Variants in PLXNA4 observed in about 807,000 individuals in gnomAD.
PLXNA4 encodes the protein plexin-A4.
In PLXNA4, 44 loss-of-function variants were observed where a neutral mutation model predicts 191.8. The ratio of observed to expected loss-of-function variants is 0.23; its 90% confidence interval spans 0.18 to 0.29. PLXNA4 has a LOEUF of 0.29. PLXNA4 is among the 10% of genes least tolerant of loss of function. The pLI is 1.00. For synonymous variants in PLXNA4, 1,082 were observed against 1,009.5 expected, an observed-to-expected ratio of 1.07 and a Z score of -1.36; for missense variants, 1,800 against 2,488.8, an observed-to-expected ratio of 0.72 and a Z score of 5.89.
At chr7:132,170,482 C>T (rs1407129010) in intron 21 of PLXNA4, among the ~76,000 whole-genome samples, 1 of 152,240 alleles carries the variant, frequency 6.6e-6, no homozygotes, top group Admixed American at 6.5e-5. Flanking sequence ...TCCTGCTCTA[C>T]TCTTGAGGTT....
chr7:132,493,183 C>T (rs1797873677), intron 2 of PLXNA4, among the ~76,000 whole-genome samples: 1 of 152,144 alleles, frequency 6.6e-6, no homozygotes, highest in Admixed American at 6.5e-5. Context: ...AGAATGTTTG[C>T]TCCAGCCCTG....
chr7:132,561,318 C>CTCCTCCTCT (rs1328935175), intron 1 of PLXNA4, among the ~76,000 whole-genome samples: 1 of 150,294 alleles, frequency 6.7e-6, no homozygotes, highest in Non-Finnish European at 1.5e-5. Flanking sequence ...TCTCCTTCTT[C>CTCCTCCTCT]TCCTCCTCTT....
At chr7:132,189,460 G>C (rs1797020408) in intron 14 of PLXNA4, among the ~76,000 whole-genome samples, 1 of 152,168 alleles carries the variant, frequency 6.6e-6, no homozygotes, top group Non-Finnish European at 1.5e-5. Context: ...TGACAGCCCA[G>C]GGTGTTAATC....
At chr7:132,344,592 C>T (rs1222705513) in intron 3 of PLXNA4, among the ~76,000 whole-genome samples, 1 of 152,172 alleles carries the variant, frequency 6.6e-6, no homozygotes, top group East Asian at 1.9e-4. Flanking sequence ...TCTGGCAGTC[C>T]TCCTTTAAAC....
intron 4 of PLXNA4, among the ~76,000 whole-genome samples, chr7:132,261,684 G>C (rs553198479): frequency 1.3e-5 from 2 of 152,208 alleles, no homozygotes; most frequent in African/African-American, 2.4e-5. Flanking sequence ...TTCAGGACCC[G>C]GGCAGCTGCC....
intron 20 of PLXNA4, among the ~76,000 whole-genome samples, chr7:132,176,503 TGA>T (rs1398301305): frequency 6.6e-6 from 1 of 152,228 alleles, no homozygotes; most frequent in Non-Finnish European, 1.5e-5. Context: ...GGCACTTGTC[TGA>T]GTGTGTATGT....
At chr7:132,565,568 GA>G (rs1801683388) in intron 1 of PLXNA4, among the ~76,000 whole-genome samples, 1 of 152,104 alleles carries the variant, frequency 6.6e-6, no homozygotes, top group African/African-American at 2.4e-5. Flanking sequence ...CCTCCAGAAA[GA>G]AGAATCAAAT....
intron 4 of PLXNA4, among the ~76,000 whole-genome samples, chr7:132,273,107 T>C (rs571322358): frequency 6.6e-5 from 10 of 152,248 alleles, no homozygotes; most frequent in African/African-American, 2.2e-4. Flanking sequence ...TTTGCCTGTA[T>C]GGAGCAATCA....
chr7:132,236,591 T>A (rs1482543401), intron 5 of PLXNA4, among the ~76,000 whole-genome samples: 1 of 152,132 alleles, frequency 6.6e-6, no homozygotes, highest in Non-Finnish European at 1.5e-5. Context: ...CAAGGCCTGG[T>A]TCCCCAAAAT....
At chr7:132,376,757 C>T (rs182599699) in intron 3 of PLXNA4, among the ~76,000 whole-genome samples, 5 of 152,254 alleles carry the variant, frequency 3.3e-5, no homozygotes, top group Admixed American at 6.5e-5. Context: ...GGATTTGGAA[C>T]CAGAAGAAAT....
intron 4 of PLXNA4, among the ~76,000 whole-genome samples, chr7:132,286,364 G>A (rs1166753911): frequency 1.3e-5 from 2 of 152,202 alleles, no homozygotes; most frequent in African/African-American, 4.8e-5. Flanking sequence ...CTAAGTGGAT[G>A]ATTATAGGTG....
At chr7:132,149,572 C>A (rs1795534490) in intron 25 of PLXNA4, among the ~76,000 whole-genome samples, 1 of 152,190 alleles carries the variant, frequency 6.6e-6, no homozygotes, top group African/African-American at 2.4e-5. Context: ...GGACATATAC[C>A]AGAAAGGAAA....
intron 3 of PLXNA4, among the ~76,000 whole-genome samples, chr7:132,361,097 G>A (rs1421721872): frequency 6.6e-6 from 1 of 152,208 alleles, no homozygotes; most frequent in Non-Finnish European, 1.5e-5. Context: ...GGACTCAGCT[G>A]TAATGAGCGC....
chr7:132,155,621 G>A (rs1038590660), intron 25 of PLXNA4, among the ~76,000 whole-genome samples: 2 of 152,146 alleles, frequency 1.3e-5, no homozygotes, highest in Non-Finnish European at 2.9e-5. Context: ...ACAGCCTCAC[G>A]TGTAGCAGGG....
chr7:132,301,527 G>A lies in PLXNA4; in HGVS notation c.1372-3305C>T, dbSNP rs532753887. ...ACTTGGTTAAGGTCACACATCTGGC[G>A]GATGGCACAGGCTGCACCCTTACCA... On this transcript the variant is annotated intron_variant, in intron 3 of 31. Coordinates refer to ENST00000321063, the MANE Select transcript of PLXNA4 (RefSeq NM_020911.2). Among the ~76,000 whole-genome samples, 132 of 152,310 alleles carry A rather than the reference G, an allele frequency of 8.7e-4. 1 individual carries two copies. The highest frequency in any genetic ancestry group is 2.9e-3 in the African/African-American group (119 of 41,566).
intron 9 of PLXNA4, among the ~76,000 whole-genome samples, chr7:132,217,661 C>G (rs1273219578): frequency 6.6e-6 from 1 of 152,118 alleles, no homozygotes; most frequent in East Asian, 1.9e-4. Context: ...TGTAACGCAT[C>G]ATATATTTTC....
At chr7:132,498,553 C>T (rs1161678336) in intron 2 of PLXNA4, among the ~76,000 whole-genome samples, 3 of 152,178 alleles carry the variant, frequency 2.0e-5, no homozygotes, top group African/African-American at 4.8e-5. Context: ...AGGTCCCTCC[C>T]ACAACATGTG....
intron 2 of PLXNA4, among the ~76,000 whole-genome samples, chr7:132,610,824 A>G (rs769620115): frequency 3.9e-5 from 6 of 152,212 alleles, no homozygotes; most frequent in African/African-American, 4.8e-5. Context: ...CATATAGCAC[A>G]GCGAAGGATT....
chr7:132,567,310 G>A (rs112589528), intron 1 of PLXNA4, among the ~76,000 whole-genome samples: 611 of 22,420 alleles, frequency 0.027, 8 homozygotes, highest in African/African-American at 0.085. Context: ...ACCCCCCGCC[G>A]CAATCTATCA....
Sources: gnomAD v4.1 joint callset for allele counts (sites outside exome capture counted in the v4.1 genomes callset) on GRCh38, gnomAD v4.1.1 for gene constraint, MANE v1.5 for transcripts, NCBI Gene and HGNC (gene_info 2026-07-23, HGNC 2026-07-21) for gene names.